Variants in ACOXL observed in about 807,000 individuals in gnomAD.
ACOXL encodes acyl-coenzyme A oxidase-like protein.
Under a neutral mutation model 71.9 loss-of-function variants are expected in ACOXL, and 70 were observed. The observed-to-expected ratio is 0.97, with a 90% CI of 0.80 to 1.19. The LOEUF is 1.19. ACOXL is among the 50% of genes most tolerant of loss of function. The probability of loss-of-function intolerance (pLI) is 0.00; values close to 1 mark genes in which losing one functional copy is unlikely to be tolerated. For missense variants in ACOXL, 703 were observed against 736.3 expected, an observed-to-expected ratio of 0.95 and a Z score of 0.52; for synonymous variants, 253 against 281.6, an observed-to-expected ratio of 0.90 and a Z score of 1.02.
intron 11 of ACOXL, among the ~76,000 whole-genome samples, chr2:110,920,638 A>G (rs1284644693): frequency 6.6e-6 from 1 of 152,030 alleles, no homozygotes. Flanking sequence ...CAGCTCTCTA[A>G]TGTTCTTTTT....
intron 16 of ACOXL, among the ~76,000 whole-genome samples, chr2:111,074,956 A>C (rs1024209119): frequency 4.6e-5 from 7 of 152,262 alleles, no homozygotes; most frequent in African/African-American, 1.7e-4. Flanking sequence ...ATGATGTATT[A>C]TTCTTTTTAT....
At chr2:110,905,858 G>A (rs994792127) in intron 10 of ACOXL, among the ~76,000 whole-genome samples, 26 of 152,304 alleles carry the variant, frequency 1.7e-4, no homozygotes, top group African/African-American at 5.1e-4. Flanking sequence ...TGGGAACTCA[G>A]CAGTGGATTA....
chr2:110,856,518 A>T (rs138271284), intron 10 of ACOXL, among the ~76,000 whole-genome samples: 182 of 152,378 alleles, frequency 1.2e-3, no homozygotes, highest in African/African-American at 4.3e-3. Context: ...TCTCGACTTC[A>T]TAAGAAAAGA....
intron 9 of ACOXL, among the ~76,000 whole-genome samples, chr2:110,807,364 G>T (rs1686792961): frequency 6.6e-6 from 1 of 152,236 alleles, no homozygotes; most frequent in African/African-American, 2.4e-5. Context: ...TGTTATTTGT[G>T]TGATGGTTGT....
intron 10 of ACOXL, among the ~76,000 whole-genome samples, chr2:110,862,941 G>T (rs1694134413): frequency 6.6e-6 from 1 of 152,178 alleles, no homozygotes; most frequent in Non-Finnish European, 1.5e-5. Flanking sequence ...CACCTTCAAT[G>T]CACCCACATT....
At chr2:110,926,876 A>G (rs1292708829) in intron 11 of ACOXL, among the ~76,000 whole-genome samples, 1 of 152,070 alleles carries the variant, frequency 6.6e-6, no homozygotes, top group African/African-American at 2.4e-5. Flanking sequence ...CCAGCGCCCT[A>G]CCTGAAATGA....
At chr2:110,924,578 A>G (rs916562579) in intron 11 of ACOXL, among the ~76,000 whole-genome samples, 2 of 152,050 alleles carry the variant, frequency 1.3e-5, no homozygotes, top group Non-Finnish European at 2.9e-5. Context: ...ATGAGAAGCA[A>G]CTCCTCATCT....
intron 10 of ACOXL, among the ~76,000 whole-genome samples, chr2:110,845,062 G>A (rs1309634043): frequency 6.6e-6 from 1 of 152,190 alleles, no homozygotes; most frequent in Non-Finnish European, 1.5e-5. Context: ...ATTTGTTTTA[G>A]TCTGTTTGTG....
At chr2:111,115,010 G>A (rs1397368504) in intron 17 of ACOXL, among the ~76,000 whole-genome samples, 1 of 152,140 alleles carries the variant, frequency 6.6e-6, no homozygotes, top group Non-Finnish European at 1.5e-5. Context: ...CTTATTGCTT[G>A]TAGAGCAATA....
intron 2 of ACOXL, among the ~76,000 whole-genome samples, chr2:110,768,865 G>A (rs1467692200): frequency 4.0e-5 from 6 of 151,608 alleles, no homozygotes. Context: ...TTTGTGACTT[G>A]CTAAGCCTGT....
chr2:110,972,479 C>T (rs1254803091), intron 12 of ACOXL, among the ~76,000 whole-genome samples: 1 of 152,166 alleles, frequency 6.6e-6, no homozygotes, highest in African/African-American at 2.4e-5. Flanking sequence ...TGTCAACGGT[C>T]CCCAGGGTCA....
At chr2:110,941,291 T>A (rs1234559775) in intron 12 of ACOXL, among the ~76,000 whole-genome samples, 1 of 152,214 alleles carries the variant, frequency 6.6e-6, no homozygotes, top group African/African-American at 2.4e-5. Flanking sequence ...ATTAGCAGAC[T>A]TCTGATCAAG....
At chr2:110,890,094 G>A (rs1438490800) in intron 10 of ACOXL, among the ~76,000 whole-genome samples, 1 of 152,056 alleles carries the variant, frequency 6.6e-6, no homozygotes, top group Non-Finnish European at 1.5e-5. Context: ...TTAGCCATTT[G>A]TATACCTTCT....
At chr2:110,971,791 C>T (rs977507505) in intron 12 of ACOXL, among the ~76,000 whole-genome samples, 1 of 152,150 alleles carries the variant, frequency 6.6e-6, no homozygotes, top group Non-Finnish European at 1.5e-5. Flanking sequence ...TGTCTCCCTC[C>T]TGCTTAAATG....
chr2:110,734,817 G>A (rs1240663431), intron 1 of ACOXL, among the ~76,000 whole-genome samples: 2 of 152,092 alleles, frequency 1.3e-5, no homozygotes, highest in African/African-American at 2.4e-5. Context: ...GGAAAGGCAT[G>A]CCTGGATAAG....
intron 14 of ACOXL, among the ~76,000 whole-genome samples, chr2:111,025,754 C>G (rs1293959013): frequency 1.3e-5 from 2 of 152,132 alleles, no homozygotes; most frequent in African/African-American, 4.8e-5. Context: ...CCATTACCTG[C>G]CTTTTCATTT....
rs1006663807 is a variant in ACOXL at position 110,992,018 on chromosome 2, T to A, written c.1170-3875T>A. On this transcript the variant is annotated intron_variant, in intron 13 of 17. Coordinates refer to ENST00000439055, the MANE Select transcript of ACOXL (RefSeq NM_001142807.4). ...TTGTTCCCCAACTGGCCACAAATCATCTGCCCTTTCGTTTCTTTTTCAGAT... is the reference window on the plus strand; with the variant it reads ...TTGTTCCCCAACTGGCCACAAATCAACTGCCCTTTCGTTTCTTTTTCAGAT... Among the ~76,000 whole-genome samples the A allele has an allele frequency of 2.0e-5, 3 of 152,206 alleles. No homozygotes were observed. In the East Asian group the frequency reaches 5.8e-4, roughly 29 times the overall value.
chr2:111,107,938 A>C (rs1287945519), intron 17 of ACOXL, among the ~76,000 whole-genome samples: 1 of 152,208 alleles, frequency 6.6e-6, no homozygotes, highest in Non-Finnish European at 1.5e-5. Context: ...TGTCCTCATA[A>C]GAAGTCTGCC....
intron 12 of ACOXL, among the ~76,000 whole-genome samples, chr2:110,977,856 G>GATAT (rs769299091): frequency 4.6e-5 from 7 of 152,224 alleles, no homozygotes; most frequent in Admixed American, 4.6e-4. Context: ...CATCTAAACA[G>GATAT]ATATAGTCTA....
Sources: allele counts gnomAD v4.1 joint callset (sites outside exome capture counted in the v4.1 genomes callset), GRCh38; gene constraint gnomAD v4.1.1; transcripts MANE v1.5; gene names NCBI Gene and HGNC (gene_info 2026-07-23, HGNC 2026-07-21).